NEGR1: variants seen among roughly 807,000 people sequenced by gnomAD.
NEGR1 encodes neuronal growth regulator 1.
A neutral mutation model predicts 40.9 loss-of-function variants in NEGR1; 10 were observed. That is an observed-to-expected ratio of 0.24 (90% confidence interval 0.15 to 0.42). The LOEUF (loss-of-function observed/expected upper bound fraction) is 0.42, where lower values mean the gene tolerates loss of function less well. NEGR1 is among the 10% of genes least tolerant of loss of function. The pLI, the probability that NEGR1 is intolerant of heterozygous loss-of-function variation, is 1.00. For missense variants in NEGR1, 352 were observed against 438.9 expected, an observed-to-expected ratio of 0.80 and a Z score of 1.77; for synonymous variants, 185 against 166.8, an observed-to-expected ratio of 1.11 and a Z score of -0.84.
chr1:71,578,647 T>G (rs1226283461), intron 6 of NEGR1, among the ~76,000 whole-genome samples: 1 of 152,220 alleles, frequency 6.6e-6, no homozygotes, highest in South Asian at 2.1e-4. Context: ...GGGGGGCTTC[T>G]TGAAACATCC....
chr1:71,453,165 T>C (rs1405497174), intron 6 of NEGR1, among the ~76,000 whole-genome samples: 1 of 152,168 alleles, frequency 6.6e-6, no homozygotes, highest in Non-Finnish European at 1.5e-5. Flanking sequence ...TATTATACTT[T>C]TAAGGGCAGA....
At chr1:71,971,177 C>A (rs1329268139) in intron 1 of NEGR1, among the ~76,000 whole-genome samples, 2 of 152,182 alleles carry the variant, frequency 1.3e-5, no homozygotes, top group African/African-American at 2.4e-5. Context: ...CTGGAAGAAC[C>A]AAGAATGGTA....
At chr1:71,970,439 C>T (rs892606372) in intron 1 of NEGR1, among the ~76,000 whole-genome samples, 5 of 152,110 alleles carry the variant, frequency 3.3e-5, no homozygotes, top group African/African-American at 4.8e-5. Flanking sequence ...ACCTGTAATG[C>T]CAGCACTTTG....
intron 6 of NEGR1, among the ~76,000 whole-genome samples, chr1:71,565,351 T>C (rs1648585517): frequency 2.0e-5 from 3 of 152,198 alleles, no homozygotes; most frequent in Admixed American, 6.5e-5. Flanking sequence ...TATGTATGTA[T>C]ACACAATAGT....
chr1:71,980,118 T>C (rs1403788717), intron 1 of NEGR1, among the ~76,000 whole-genome samples: 1 of 151,762 alleles, frequency 6.6e-6, no homozygotes, highest in Non-Finnish European at 1.5e-5. Context: ...TTTAGAAAAA[T>C]GGAGATATGT....
At chr1:71,856,611 T>C (rs946009318) in intron 2 of NEGR1, among the ~76,000 whole-genome samples, 2 of 152,008 alleles carry the variant, frequency 1.3e-5, no homozygotes, top group Non-Finnish European at 2.9e-5. Context: ...AGTGAAGCAA[T>C]AGTGAGATAA....
intron 1 of NEGR1, among the ~76,000 whole-genome samples, chr1:72,258,379 C>CTT (rs1655344723): frequency 6.6e-6 from 1 of 151,928 alleles, no homozygotes; most frequent in Non-Finnish European, 1.5e-5. Context: ...ACATGATTGT[C>CTT]GTGTGTGTGA....
chr1:72,125,276 C>T (rs1649967031), intron 1 of NEGR1, among the ~76,000 whole-genome samples: 1 of 151,964 alleles, frequency 6.6e-6, no homozygotes, highest in Non-Finnish European at 1.5e-5. Flanking sequence ...AAATAAAAGG[C>T]TACATGGGCA....
intron 1 of NEGR1, among the ~76,000 whole-genome samples, chr1:72,154,165 C>A (rs1651269463): frequency 1.3e-5 from 2 of 151,380 alleles, no homozygotes; most frequent in African/African-American, 4.8e-5. Context: ...AAGAGATGAG[C>A]ATGTATACAC....
intron 6 of NEGR1, among the ~76,000 whole-genome samples, chr1:71,550,774 G>A (rs1648050381): frequency 6.6e-6 from 1 of 151,450 alleles, no homozygotes; most frequent in Non-Finnish European, 1.5e-5. Flanking sequence ...CTACCCATAG[G>A]GTAAGGGCAA....
At chr1:72,261,059 C>A (rs973474865) in intron 1 of NEGR1, among the ~76,000 whole-genome samples, 6 of 151,896 alleles carry the variant, frequency 4.0e-5, no homozygotes, top group African/African-American at 1.4e-4. Flanking sequence ...TATAAAAAAT[C>A]ATTTTAACAT....
chr1:71,553,192 T>G (rs1477738378), intron 6 of NEGR1, among the ~76,000 whole-genome samples: 1 of 151,608 alleles, frequency 6.6e-6, no homozygotes, highest in Non-Finnish European at 1.5e-5. Flanking sequence ...TAACAGCAAG[T>G]GCCAAAATAT....
rs911036212 is a variant in NEGR1, at chr1:72,207,796, G to A, written c.176+74523C>T. ...ATTAAAATTCATGAGATTAAAAAAC[G>A]CATTTATTAGCAAGTACAACTAGTT... On this transcript the variant is annotated intron_variant, in intron 1 of 6. Coordinates refer to ENST00000357731, the MANE Select transcript of NEGR1 (RefSeq NM_173808.3). 5.3e-5 allele frequency among the ~76,000 whole-genome samples: 8 copies of A among 151,548 alleles called. No individual in the cohort carries two copies. In the East Asian group the frequency reaches 5.8e-4, roughly 11 times the overall value.
intron 1 of NEGR1, among the ~76,000 whole-genome samples, chr1:72,014,962 G>T (rs1646696047): frequency 6.6e-6 from 1 of 152,046 alleles, no homozygotes; most frequent in African/African-American, 2.4e-5. Context: ...GCATTTGGTT[G>T]TCATTGAAAT....
rs58813234 is a variant in NEGR1, at chr1:71,560,429, T to TTATATA, written c.940+32382_940+32387dup. 4.6e-3 allele frequency among the ~76,000 whole-genome samples: 530 copies of TTATATA among 114,230 alleles called. 20 individuals carry two copies. Among genetic ancestry groups the TTATATA allele is most frequent in the Admixed American group, 0.028 (280 of 10,006 alleles). The allele number at this position is 114,230 out of a possible 152,430, so 74.9% of individuals were successfully genotyped here. A position where few individuals can be genotyped will look rare whatever the true frequency, so the allele number is the denominator to read the frequency against. On this transcript the variant is annotated intron_variant, in intron 6 of 6. Coordinates refer to ENST00000357731, the MANE Select transcript of NEGR1 (RefSeq NM_173808.3). ...AACCCAGGCCCTGTGTAATTCTCCATTATATATATATATATATATGTATAT... is the reference window on the plus strand; with the variant it reads ...AACCCAGGCCCTGTGTAATTCTCCATTATATATATATATATATATATATATGTATAT...
intron 1 of NEGR1, among the ~76,000 whole-genome samples, chr1:72,174,117 C>T (rs1346074371): frequency 6.6e-6 from 1 of 151,924 alleles, no homozygotes; most frequent in African/African-American, 2.4e-5. Flanking sequence ...TTTATTTATG[C>T]TTTTAAATTT....
chr1:71,853,737 C>T (rs1352496909), intron 2 of NEGR1, among the ~76,000 whole-genome samples: 1 of 152,094 alleles, frequency 6.6e-6, no homozygotes, highest in African/African-American at 2.4e-5. Flanking sequence ...TAGAAGAAAG[C>T]AGCCATAAAG....
intron 2 of NEGR1, among the ~76,000 whole-genome samples, chr1:71,777,792 G>A (rs1010405084): frequency 2.0e-5 from 3 of 151,946 alleles, no homozygotes; most frequent in African/African-American, 4.8e-5. Context: ...TAAAGTATTT[G>A]ATTATGTGTA....
In NEGR1 at chr1:72,153,244, A is replaced by G. The variant is rs142041299; in HGVS notation, c.176+129075T>C. ...AACAAAGACATGATAGAGATGATCA[A>G]TTATGCCCACAGATGGCTTCTTGAA... On this transcript the variant is annotated intron_variant, in intron 1 of 6. Coordinates refer to ENST00000357731, the MANE Select transcript of NEGR1 (RefSeq NM_173808.3). 2.3e-4 allele frequency among the ~76,000 whole-genome samples: 35 copies of G among 152,122 alleles called. No individual in the cohort carries two copies. In the East Asian group the frequency reaches 2.3e-3, roughly 10 times the overall value.
Sources: gnomAD v4.1 joint callset for allele counts (sites outside exome capture counted in the v4.1 genomes callset) on GRCh38, gnomAD v4.1.1 for gene constraint, MANE v1.5 for transcripts, NCBI Gene and HGNC (gene_info 2026-07-23, HGNC 2026-07-21) for gene names.